DOCK1: variants seen among roughly 807,000 people sequenced by gnomAD.
The protein encoded by DOCK1 is dedicator of cytokinesis 1.
DOCK1 carries 138 observed loss-of-function variants against 262.7 expected under a neutral mutation model. The ratio of observed to expected loss-of-function variants is 0.53; its 90% confidence interval spans 0.46 to 0.61. The LOEUF (loss-of-function observed/expected upper bound fraction) is 0.61. DOCK1 is among the 20% of genes least tolerant of loss of function. The pLI is 0.00. For missense variants in DOCK1, 1,908 were observed against 2,370.7 expected (o/e 0.80, Z 4.05); for synonymous variants, 866 against 867.4 (o/e 1.00, Z 0.03).
chr10:127,404,517 C>A, intron 40 of DOCK1, 88 bp downstream of exon 40: 1 of 1,300,942 alleles, frequency 7.7e-7, no homozygotes, highest in Non-Finnish European at 1.1e-6. Context: ...GGGGAGTTTG[C>A]ATCCGCGTGG....
chr10:126,916,788 G>T (rs897063251), intron 1 of DOCK1, among the ~76,000 whole-genome samples: 1 of 150,580 alleles, frequency 6.6e-6, no homozygotes, highest in African/African-American at 2.5e-5. Flanking sequence ...TTAGACATTG[G>T]TATCTGGAGC....
intron 29 of DOCK1, among the ~76,000 whole-genome samples, chr10:127,276,094 T>A (rs1005226835): frequency 2.0e-5 from 3 of 152,166 alleles, no homozygotes; most frequent in Non-Finnish European, 4.4e-5. Flanking sequence ...TCTCGATGGA[T>A]CTTGTCTTTT....
At chr10:126,944,324 G>T (rs1264891645) in intron 1 of DOCK1, among the ~76,000 whole-genome samples, 1 of 152,116 alleles carries the variant, frequency 6.6e-6, no homozygotes, top group Non-Finnish European at 1.5e-5. Context: ...GTGCAGGGCT[G>T]TGCCCGTGGT....
chr10:127,121,834 T>A (rs549720217), intron 25 of DOCK1, among the ~76,000 whole-genome samples: 1 of 152,324 alleles, frequency 6.6e-6, no homozygotes, highest in Non-Finnish European at 1.5e-5. Flanking sequence ...TCTTGAGGGT[T>A]GAGAGTGGCA....
At chr10:126,961,973 G>C (rs924796391) in intron 1 of DOCK1, among the ~76,000 whole-genome samples, 3 of 152,050 alleles carry the variant, frequency 2.0e-5, no homozygotes. Flanking sequence ...TCCTTACCAA[G>C]GTTGTTATTT....
intron 2 of DOCK1, among the ~76,000 whole-genome samples, chr10:126,971,307 C>T (rs926741707): frequency 6.6e-6 from 1 of 152,234 alleles, no homozygotes; most frequent in East Asian, 1.9e-4. Context: ...CCCACCTCAG[C>T]CTCCCAAAGT....
chr10:127,025,961 C>T, intron 15 of DOCK1: 1 of 219,624 alleles, frequency 4.6e-6, no homozygotes, highest in Non-Finnish European at 8.9e-6. Context: ...GAGGCTGAGG[C>T]AGGAGAATCG....
At chr10:127,348,317 C>T (rs1233288586) in intron 31 of DOCK1, among the ~76,000 whole-genome samples, 2 of 152,116 alleles carry the variant, frequency 1.3e-5, no homozygotes, top group African/African-American at 2.4e-5. Flanking sequence ...GCCTTTTTTA[C>T]ATTATTGGGG....
At chr10:127,425,811 G>A (rs2068775318) in intron 46 of DOCK1, 63 bp from the exon 47 acceptor site, 2 of 1,597,214 alleles carry the variant, frequency 1.3e-6, no homozygotes, top group East Asian at 2.2e-5. Context: ...TTCCCCAAGT[G>A]TGCATTGCTC....
intron 48 of DOCK1, among the ~76,000 whole-genome samples, chr10:127,436,022 C>G (rs1725143676): frequency 6.6e-6 from 1 of 152,200 alleles, no homozygotes; most frequent in African/African-American, 2.4e-5. Context: ...CCTACATTAT[C>G]TCAAGTTCTG....
chr10:127,044,774 T>C (rs1351428941), intron 21 of DOCK1, among the ~76,000 whole-genome samples: 1 of 152,142 alleles, frequency 6.6e-6, no homozygotes, highest in African/African-American at 2.4e-5. Context: ...TGCTGTGCTG[T>C]TGGGGAAGGA....
chr10:127,112,200 T>G (rs2800437), intron 25 of DOCK1, among the ~76,000 whole-genome samples: 10,003 of 152,084 alleles, frequency 0.066, 832 homozygotes, highest in African/African-American at 0.2. Flanking sequence ...TTAGTAGAGA[T>G]GGGGTTTCAC....
intron 49 of DOCK1, among the ~76,000 whole-genome samples, chr10:127,441,934 C>G (rs1262477039): frequency 6.6e-6 from 1 of 152,104 alleles, no homozygotes; most frequent in Non-Finnish European, 1.5e-5. Flanking sequence ...ATGTGCCCTC[C>G]CTGGGATGCA....
intron 1 of DOCK1, among the ~76,000 whole-genome samples, chr10:126,960,093 C>T (rs1234652218): frequency 6.6e-6 from 1 of 152,188 alleles, no homozygotes; most frequent in Non-Finnish European, 1.5e-5. Context: ...CATTTATTTG[C>T]TTGAAGTAAG....
At chr10:127,117,376 C>A (rs926831820) in intron 25 of DOCK1, among the ~76,000 whole-genome samples, 6 of 152,126 alleles carry the variant, frequency 3.9e-5, no homozygotes, top group African/African-American at 1.4e-4. Context: ...ATCTATCAGC[C>A]CACTCTTTTC....
chr10:127,072,190 G>C (rs1050711778), intron 23 of DOCK1, among the ~76,000 whole-genome samples: 1 of 152,182 alleles, frequency 6.6e-6, no homozygotes, highest in African/African-American at 2.4e-5. Flanking sequence ...AAAGTGAGCA[G>C]GTCTCAGAGT....
chr10:127,137,804 A>C (rs768340065), intron 27 of DOCK1: 1 of 1,588,200 alleles, frequency 6.3e-7, no homozygotes, highest in Non-Finnish European at 8.6e-7. Context: ...GTGGGTTCTA[A>C]AGACGGCCTC....
intron 38 of DOCK1, among the ~76,000 whole-genome samples, chr10:127,399,958 G>A (rs989176972): frequency 6.6e-6 from 1 of 152,156 alleles, no homozygotes; most frequent in South Asian, 2.1e-4. Flanking sequence ...GGAATGGGAG[G>A]CAACTTTAAA....
At chr10:127,368,042 G>T (rs1357127215) in intron 33 of DOCK1, among the ~76,000 whole-genome samples, 2 of 152,154 alleles carry the variant, frequency 1.3e-5, no homozygotes, top group Non-Finnish European at 2.9e-5. Context: ...CCATACTCAA[G>T]GCCACTGTGG....
Sources: allele counts gnomAD v4.1 joint callset (sites outside exome capture counted in the v4.1 genomes callset), GRCh38; gene constraint gnomAD v4.1.1; transcripts MANE v1.5; gene names NCBI Gene and HGNC (gene_info 2026-07-23, HGNC 2026-07-21).